TRPV3: variants seen among roughly 807,000 people sequenced by gnomAD.
The protein encoded by TRPV3 is transient receptor potential cation channel subfamily V member 3.
TRPV3 carries 88 observed loss-of-function variants against 87.1 expected under a neutral mutation model. That is an observed-to-expected ratio of 1.01 (90% CI 0.85 to 1.21). The LOEUF is 1.21. Among genes scored for constraint, TRPV3 ranks in the 50% most tolerant of loss-of-function variants. The pLI, the probability that TRPV3 is intolerant of heterozygous loss-of-function variation, is 0.00. For synonymous variants in TRPV3, 438 were observed against 423.3 expected, an observed-to-expected ratio of 1.03 and a Z score of -0.43; for missense variants, 1,054 against 1,030.1, an observed-to-expected ratio of 1.02 and a Z score of -0.32.
chr17:3,519,054 A>T (rs977589061), intron 14 of TRPV3, among the ~76,000 whole-genome samples: 5 of 152,146 alleles, frequency 3.3e-5, no homozygotes, highest in African/African-American at 1.2e-4. Flanking sequence ...CACCTAACAA[A>T]GCCCAGAGTC....
chr17:3,527,020 T>G (rs1163349894), intron 11 of TRPV3, 93 bp from the exon 12 acceptor site: 26 of 1,021,228 alleles, frequency 2.5e-5, no homozygotes, highest in Non-Finnish European at 3.3e-5. Context: ...CAAGACTCAG[T>G]GAGGGTTGAA....
Position 3,526,920 on chromosome 17 carries a change from G to A in TRPV3, c.1511C>T (p.Ala504Val). 1 of 1,610,998 alleles carries A rather than the reference G, an allele frequency of 6.2e-7. No individual in the cohort carries two copies. Among genetic ancestry groups the A allele is most frequent in the Non-Finnish European group, 8.5e-7 (1 of 1,178,688 alleles). Residue 504 changes from alanine to valine, a missense_variant, in exon 12 of 18, where the codon GCC becomes GTC. By Grantham distance (64) the Ala-to-Val change is moderately conservative. Coordinates refer to ENST00000576742, the MANE Select transcript of TRPV3 (RefSeq NM_145068.4). ...ATCCGAGGGTCTCAGCAGGAAGATG[G>A]CAATGCCCTAAGGCCAGGAAGGAAA... ...AMCISVKEGI[A>V]IFLLRPSDLQ...
chr17:3,525,082 T>TGC (rs2074284879), intron 12 of TRPV3, among the ~76,000 whole-genome samples: 2 of 152,160 alleles, frequency 1.3e-5, no homozygotes, highest in Non-Finnish European at 2.9e-5. Flanking sequence ...TACAGTGGCA[T>TGC]GAACTCTGCT....
intron 1 of TRPV3, among the ~76,000 whole-genome samples, chr17:3,555,976 A>G (rs1478801794): frequency 2.6e-5 from 4 of 152,154 alleles, no homozygotes; most frequent in Admixed American, 6.5e-5. Flanking sequence ...CAGGAGTTCA[A>G]GACCAGCCTG....
chr17:3,526,557 G>A (rs149714050), intron 12 of TRPV3, among the ~76,000 whole-genome samples: 13 of 151,818 alleles, frequency 8.6e-5, no homozygotes, highest in East Asian at 3.9e-4. Flanking sequence ...TGCCTTCCAC[G>A]TGGGGCTCTG....
chr17:3,536,432 T>C (rs1430989950), intron 6 of TRPV3, among the ~76,000 whole-genome samples: 4 of 151,974 alleles, frequency 2.6e-5, no homozygotes, highest in African/African-American at 9.7e-5. Flanking sequence ...GTACTAAAAA[T>C]ACAAAATTAG....
At position 3,516,513 on chromosome 17, in the gene TRPV3, T is replaced by G; in HGVS notation, c.2142A>C (p.Arg714Ser). 2 of 1,614,146 alleles carry G rather than the reference T, an allele frequency of 1.2e-6. No individual in the cohort carries two copies. Among genetic ancestry groups the G allele is most frequent in the Non-Finnish European group, 1.7e-6 (2 of 1,180,020 alleles). Reference sequence around the variant, plus strand: ...CTTTGCACAGCTCTCCCATCCGGAATCTGCTCCTCAGCCATTCTGGTAACA... The same window carrying G: ...CTTTGCACAGCTCTCCCATCCGGAAGCTGCTCCTCAGCCATTCTGGTAACA... ...EKMLPEWLRS[R>S]FRMGELCKVA... Residue 714 changes from arginine (R) to serine (S), a missense_variant, in exon 16 of 18, where the codon AGA (arginine) becomes AGC (serine). Arg to Ser is a moderately radical substitution (Grantham distance 110, BLOSUM62 -1). Transcript: ENST00000576742.
chr17:3,545,375 C>T, intron 2 of TRPV3, 104 bp from the exon 3 acceptor site: 1 of 801,742 alleles, frequency 1.2e-6, no homozygotes, highest in South Asian at 1.8e-5. Flanking sequence ...TGAGCACACA[C>T]CCTGGCCAGC....
chr17:3,552,215 C>G (rs1230600952), intron 2 of TRPV3: 2 of 139,812 alleles, frequency 1.4e-5, no homozygotes, highest in Non-Finnish European at 3.1e-5. Flanking sequence ...TTTTTTGAGA[C>G]AAGAGTTTTG....
intron 2 of TRPV3, chr17:3,554,415 C>T: frequency 3.8e-6 from 1 of 262,842 alleles, no homozygotes; most frequent in South Asian, 1.5e-4. Context: ...TTTTGCTCCT[C>T]GTCTCAAGGG....
chr17:3,548,692 G>A (rs961581008), intron 2 of TRPV3, among the ~76,000 whole-genome samples: 2 of 152,180 alleles, frequency 1.3e-5, no homozygotes. Context: ...CCCACCAAAA[G>A]GAACCTTCTG....
intron 2 of TRPV3, among the ~76,000 whole-genome samples, chr17:3,551,578 T>A (rs1199823202): frequency 6.6e-6 from 1 of 152,224 alleles, no homozygotes. Context: ...GGAAGGAGAT[T>A]GTCCATCCAT....
chr17:3,557,138 G>A lies in TRPV3; in HGVS notation c.-3+538C>T, dbSNP rs2074640218. Among the ~76,000 whole-genome samples the A allele has an allele frequency of 6.6e-6, 1 of 152,110 alleles. No individual in the cohort carries two copies. Among genetic ancestry groups the A allele is most frequent in the Admixed American group, 6.5e-5 (1 of 15,272 alleles). ...GTAAACCCCACGTTCTCACCTGCTG[G>A]ACTCTCTTGTTGCCCTGGCCCTCCC... On this transcript the variant is annotated intron_variant, in intron 1 of 17. Coordinates refer to ENST00000576742, the MANE Select transcript of TRPV3 (RefSeq NM_145068.4). The surrounding 1 kb of genome is among the most constrained non-coding windows in gnomAD (Gnocchi z 4.5).
At chr17:3,521,130 C>A (rs1031572929) in intron 13 of TRPV3, 91 bp from the exon 14 acceptor site, 9 of 471,560 alleles carry the variant, frequency 1.9e-5, no homozygotes, top group Admixed American at 2.8e-5. Flanking sequence ...TCCCACCCCC[C>A]ACCCTAACTG....
rs1187588076 is a variant in TRPV3 at position 3,541,323 on chromosome 17, G to A, written c.643+1199C>T. ...GCAGAGGTTGCAGTGAGCCAAGATCGCGCCACTGCACTCCAGCCTAGGCAA... is the reference window on the plus strand; with the variant it reads ...GCAGAGGTTGCAGTGAGCCAAGATCACGCCACTGCACTCCAGCCTAGGCAA... On this transcript the variant is annotated intron_variant, in intron 6 of 17. Coordinates refer to ENST00000576742, the MANE Select transcript of TRPV3 (RefSeq NM_145068.4). 2.0e-5 allele frequency among the ~76,000 whole-genome samples: 3 copies of A among 152,094 alleles called. No individual in the cohort carries two copies. The East Asian group carries it at 5.8e-4, about 29-fold the overall frequency.
chr17:3,531,653 A>G (rs1355425878), intron 8 of TRPV3, among the ~76,000 whole-genome samples: 1 of 152,198 alleles, frequency 6.6e-6, no homozygotes, highest in East Asian at 1.9e-4. Flanking sequence ...CCACAGTGGC[A>G]CACAGGGAAG....
Position 3,539,227 on chromosome 17 carries a change from C to T in TRPV3, c.643+3295G>A, listed in dbSNP as rs2074435982. ...TTATGTTAAATAAATAAAACTTTTT[C>T]TGTGTGCACATATACACACACAAAT... On this transcript the variant is annotated intron_variant, in intron 6 of 17. Coordinates refer to ENST00000576742, the MANE Select transcript of TRPV3 (RefSeq NM_145068.4). Among the ~76,000 whole-genome samples the T allele has an allele frequency of 3.9e-5, 6 of 151,926 alleles. 1 individual carries two copies. The South Asian group carries it at 1.2e-3, about 32-fold the overall frequency.
Position 3,524,163 on chromosome 17 carries a change from C to T in TRPV3, c.1743+35G>A, listed in dbSNP as rs141932010. ...CCCCATCTGAAAAATGGCCATCCTC[C>T]GAGGGCCCTCCCGCCGGCGCAGCTC... is the stretch of plus-strand genomic sequence containing the variant. On this transcript the variant is annotated intron_variant, in intron 13 of 17. Transcript: ENST00000576742. The T allele has an allele frequency of 2.6e-3, 4,234 of 1,606,810 alleles. 163 individuals carry two copies. The Admixed American group carries it at 0.059, about 23-fold the overall frequency.
chr17:3,534,437 A>T (rs1336354276), intron 7 of TRPV3, among the ~76,000 whole-genome samples: 1 of 151,982 alleles, frequency 6.6e-6, no homozygotes, highest in African/African-American at 2.4e-5. Flanking sequence ...GAGAAAACAG[A>T]TGGGTGATCA....
Sources: allele counts gnomAD v4.1 joint callset (sites outside exome capture counted in the v4.1 genomes callset), GRCh38; gene constraint gnomAD v4.1.1; non-coding constraint Gnocchi (gnomAD v3.1); transcripts MANE v1.5; gene names NCBI Gene and HGNC (gene_info 2026-07-23, HGNC 2026-07-21).